Variants in WWOX observed in about 807,000 individuals in gnomAD.
WWOX encodes the protein WW domain containing oxidoreductase, also known as WW domain-containing oxidoreductase.
Under a neutral mutation model 46.2 loss-of-function variants are expected in WWOX, and 69 were observed. The observed-to-expected ratio is 1.49, with a 90% CI of 1.23 to 1.82. The LOEUF is 1.82. Among genes scored for constraint, WWOX ranks in the 40% most tolerant of loss-of-function variants. The probability of loss-of-function intolerance (pLI) is 0.00; values close to 1 mark genes in which losing one functional copy is unlikely to be tolerated. For missense variants in WWOX, 919 were observed against 542.6 expected, an observed-to-expected ratio of 1.69 and a Z score of -6.89; for synonymous variants, 359 against 202.6, an observed-to-expected ratio of 1.77 and a Z score of -6.56.
At chr16:78,847,903 T>C (rs1050155564) in intron 8 of WWOX, among the ~76,000 whole-genome samples, 23 of 152,184 alleles carry the variant, frequency 1.5e-4, no homozygotes, top group Non-Finnish European at 2.2e-4. Context: ...ACTGGGACTT[T>C]CTGTTTCGTT....
chr16:78,137,694 T>G (rs2033847389), intron 4 of WWOX, among the ~76,000 whole-genome samples: 1 of 152,152 alleles, frequency 6.6e-6, no homozygotes, highest in South Asian at 2.1e-4. Flanking sequence ...TGCTGAGGGA[T>G]TCTAAAGTTG....
chr16:78,685,900 AC>A (rs3833053), intron 8 of WWOX, among the ~76,000 whole-genome samples: 46,183 of 127,806 alleles, frequency 0.36, 8,920 homozygotes, highest in Admixed American at 0.52. Context: ...AGGAAAAAAA[AC>A]AAAAAAGAAA....
At chr16:78,679,348 C>A (rs574629603) in intron 8 of WWOX, among the ~76,000 whole-genome samples, 3 of 152,184 alleles carry the variant, frequency 2.0e-5, no homozygotes, top group South Asian at 2.1e-4. Context: ...GTCAGGAGTT[C>A]GAGACCAGCT....
At chr16:79,028,824 C>G (rs1272742713) in intron 8 of WWOX, among the ~76,000 whole-genome samples, 3 of 151,702 alleles carry the variant, frequency 2.0e-5, no homozygotes, top group Non-Finnish European at 4.4e-5. Flanking sequence ...GTTTTCCAAT[C>G]TTCAAACCAA....
intron 8 of WWOX, among the ~76,000 whole-genome samples, chr16:79,015,134 T>A (rs2047387077): frequency 6.6e-6 from 1 of 152,196 alleles, no homozygotes; most frequent in African/African-American, 2.4e-5. Flanking sequence ...GCCTGTGATT[T>A]GCCATTGGGT....
chr16:78,656,053 G>A (rs1421795025), intron 8 of WWOX, among the ~76,000 whole-genome samples: 5 of 152,210 alleles, frequency 3.3e-5, no homozygotes, highest in Admixed American at 2.0e-4. Context: ...AAATGGGGGT[G>A]TGGGTTATTC....
At chr16:78,496,182 C>T (rs567605042) in intron 8 of WWOX, 49 of 152,300 alleles carry the variant, frequency 3.2e-4, no homozygotes, top group African/African-American at 1.1e-3. Context: ...TCTCGTCCCA[C>T]CTCCCCATCA....
At chr16:78,639,505 A>T (rs1335171390) in intron 8 of WWOX, among the ~76,000 whole-genome samples, 1 of 152,032 alleles carries the variant, frequency 6.6e-6, no homozygotes, top group African/African-American at 2.4e-5. Context: ...TGCCTCTGGG[A>T]GGACCTGGTG....
At chr16:79,126,753 C>G (rs771333274) in intron 8 of WWOX, among the ~76,000 whole-genome samples, 3 of 152,148 alleles carry the variant, frequency 2.0e-5, no homozygotes, top group Non-Finnish European at 4.4e-5. Context: ...GAAGGTTAGA[C>G]TAAGAAATTT....
At chr16:78,947,462 G>A (rs1050818899) in intron 8 of WWOX, among the ~76,000 whole-genome samples, 1 of 152,140 alleles carries the variant, frequency 6.6e-6, no homozygotes, top group East Asian at 1.9e-4. Flanking sequence ...GTGAGGAAAC[G>A]CTCTCTTCTT....
chr16:78,292,240 C>A (rs1339174445), intron 5 of WWOX, among the ~76,000 whole-genome samples: 1 of 151,990 alleles, frequency 6.6e-6, no homozygotes, highest in East Asian at 1.9e-4. Context: ...GCCATGAGGG[C>A]AGGGGCAACT....
chr16:79,184,170 G>A (rs971077734), intron 8 of WWOX, among the ~76,000 whole-genome samples: 1 of 152,184 alleles, frequency 6.6e-6, no homozygotes, highest in Admixed American at 6.5e-5. Flanking sequence ...CAAATGCTCA[G>A]AACTGTTGAA....
intron 5 of WWOX, among the ~76,000 whole-genome samples, chr16:78,317,865 C>T (rs1182398765): frequency 6.6e-6 from 1 of 152,186 alleles, no homozygotes; most frequent in East Asian, 1.9e-4. Context: ...TTCATTTTCA[C>T]TCCCCGTAAA....
chr16:78,769,394 C>G (rs940474905), intron 8 of WWOX, among the ~76,000 whole-genome samples: 44 of 152,060 alleles, frequency 2.9e-4, no homozygotes, highest in African/African-American at 1.1e-3. Flanking sequence ...CTATCCAGTG[C>G]TTGTAACCTG....
At chr16:78,653,614 G>C (rs2047015247) in intron 8 of WWOX, among the ~76,000 whole-genome samples, 1 of 152,234 alleles carries the variant, frequency 6.6e-6, no homozygotes, top group Non-Finnish European at 1.5e-5. Context: ...GCCAGCTTGG[G>C]TTTGGACAAC....
chr16:78,699,615 T>C (rs1274288002), intron 8 of WWOX, among the ~76,000 whole-genome samples: 2 of 152,190 alleles, frequency 1.3e-5, no homozygotes, highest in African/African-American at 2.4e-5. Context: ...AGCAGCATTA[T>C]TTTTTGGTTA....
chr16:78,969,162 C>T (rs1342174051), intron 8 of WWOX, among the ~76,000 whole-genome samples: 3 of 151,956 alleles, frequency 2.0e-5, no homozygotes, highest in East Asian at 1.9e-4. Flanking sequence ...TCTTATGGGT[C>T]TGGGCACTGA....
chr16:78,394,927 C>G (rs1182838469), intron 6 of WWOX, among the ~76,000 whole-genome samples: 1 of 152,166 alleles, frequency 6.6e-6, no homozygotes, highest in African/African-American at 2.4e-5. Context: ...GGGCAAACTA[C>G]TGAAAATCTC....
chr16:78,130,505 C>T (rs2033545899), intron 4 of WWOX, among the ~76,000 whole-genome samples: 1 of 152,212 alleles, frequency 6.6e-6, no homozygotes, highest in Admixed American at 6.5e-5. Flanking sequence ...GCTGCAGCTT[C>T]AGCTGACTAT....
Sources: allele counts gnomAD v4.1 joint callset (sites outside exome capture counted in the v4.1 genomes callset), GRCh38; gene constraint gnomAD v4.1.1; transcripts MANE v1.5; gene names NCBI Gene and HGNC (gene_info 2026-07-23, HGNC 2026-07-21).